Variants in ABCA4 observed in about 807,000 individuals in gnomAD.
ABCA4 encodes the protein ATP binding cassette subfamily A member 4.
A neutral mutation model predicts 263.7 loss-of-function variants in ABCA4; 196 were observed. The observed-to-expected ratio is 0.74, with a 90% CI of 0.66 to 0.84. ABCA4 has a LOEUF of 0.84. Ranked by LOEUF, ABCA4 falls within the 40% of genes least tolerant of loss-of-function variation. The probability of loss-of-function intolerance (pLI) is 0.00; values close to 1 mark genes in which losing one functional copy is unlikely to be tolerated. For synonymous variants in ABCA4, 1,133 were observed against 1,094.2 expected, an observed-to-expected ratio of 1.04 and a Z score of -0.70; for missense variants, 2,792 against 2,855.1, an observed-to-expected ratio of 0.98 and a Z score of 0.50.
rs534540939 is a variant in ABCA4, at chr1:94,013,795, C to T, written c.5460+748G>A. On this transcript the variant is annotated intron_variant, in intron 38 of 49. Transcript: ENST00000370225. ...CAGTCTCTTCATCAAGATTAACTTG[C>T]CCAAGGAATAGTATATGTCAGAGTG... Among the ~76,000 whole-genome samples the T allele has an allele frequency of 2.0e-5, 3 of 152,196 alleles. No homozygotes were observed. The South Asian group carries it at 6.2e-4, about 32-fold the overall frequency.
chr1:94,021,774 C>T, intron 33 of ABCA4, 60 bp from the exon 34 acceptor site: 1 of 1,606,352 alleles, frequency 6.2e-7, no homozygotes, highest in Non-Finnish European at 8.5e-7. Context: ...TGTTATCACT[C>T]ATGAGAGTTT....
rs748809920 is a variant in ABCA4, at chr1:94,077,738, T to C, written c.1506A>G (p.Ile502Met). 6.2e-7 allele frequency: 1 copy of C among 1,614,190 alleles called. No individual in the cohort carries two copies. The highest frequency in any genetic ancestry group is 1.1e-5 in the South Asian group (1 of 91,074). The change falls in exon 11 of 50, where the codon ATA becomes ATG. Residue 502 changes from isoleucine to methionine, a missense_variant. Ile to Met is a conservative substitution (Grantham distance 10, BLOSUM62 1). Transcript: ENST00000370225. ...GGAGGGTGCGATCAGTGATGTTAAA[T>C]ATGTCCCTCCAGTCGAAGTTGGCCA... ...DDMANFDWRD[I>M]FNITDRTLRL...
intron 6 of ABCA4, among the ~76,000 whole-genome samples, chr1:94,090,131 GCAGA>G (rs2101121808): frequency 6.6e-6 from 1 of 152,266 alleles, no homozygotes; most frequent in South Asian, 2.1e-4. Context: ...GCTAACCCAA[GCAGA>G]CATGGGAAAG....
In ABCA4 at chr1:94,019,664, C is replaced by T. The variant is rs61753021; in HGVS notation, c.5114G>A (p.Arg1705Gln). 2.8e-5 allele frequency: 45 copies of T among 1,613,254 alleles called. No homozygotes were observed. The Admixed American group carries it at 4.2e-4, about 15-fold the overall frequency. Residue 1705 changes from arginine (R) to glutamine (Q), a missense_variant, in exon 36 of 50, where the codon CGG becomes CAG. Arg to Gln is a conservative substitution (Grantham distance 43). Coordinates refer to ENST00000370225, the MANE Select transcript of ABCA4 (RefSeq NM_000350.3). ...CTGGAGGTGCTTGGATTTGTTCACC[C>T]GCTCCTGGATCAAATAAAGGACAAA... ...ASFVLYLIQE[R>Q]VNKSKHLQFI...
rs771592032 is a variant in ABCA4, at chr1:94,001,654, A to G, written c.6282+204T>C. ...CGCAGGATGTGCGCAGTCCCAAGTC[A>G]AGGCTGTGCCGTGACTTGTTTTTCT... is the stretch of plus-strand genomic sequence containing the variant. On this transcript the variant is annotated intron_variant, in intron 45 of 49. Coordinates refer to ENST00000370225, the MANE Select transcript of ABCA4 (RefSeq NM_000350.3). The G allele has an allele frequency of 2.9e-5, 22 of 771,054 alleles. No homozygotes were observed. In the East Asian group the frequency reaches 6.0e-4, roughly 21 times the overall value. The allele number at this position is 771,054 out of a possible 1,614,324, so 47.8% of individuals were successfully genotyped here. A position where few individuals can be genotyped will look rare whatever the true frequency, so the allele number is the denominator to read the frequency against.
intron 6 of ABCA4, among the ~76,000 whole-genome samples, chr1:94,094,334 T>G (rs1179605791): frequency 6.6e-6 from 1 of 152,044 alleles, no homozygotes; most frequent in Non-Finnish European, 1.5e-5. Flanking sequence ...AACAGGACAT[T>G]GATGGGCGCA....
chr1:94,101,934 T>C (rs188976347), intron 5 of ABCA4, among the ~76,000 whole-genome samples: 359 of 152,290 alleles, frequency 2.4e-3, no homozygotes, highest in African/African-American at 8.3e-3. Context: ...TTTGCATTCC[T>C]AACAAGCTCC....
At chr1:94,104,609 A>C (rs1468981323) in intron 4 of ABCA4, among the ~76,000 whole-genome samples, 1 of 152,180 alleles carries the variant, frequency 6.6e-6, no homozygotes, top group African/African-American at 2.4e-5. Flanking sequence ...GGGCAGGGGA[A>C]GCCGGTCTTG....
chr1:94,115,093 G>C (rs1479749314), intron 1 of ABCA4, among the ~76,000 whole-genome samples: 1 of 152,218 alleles, frequency 6.6e-6, no homozygotes, highest in Non-Finnish European at 1.5e-5. Context: ...ATGTACATTG[G>C]TGTCTTGTCT....
At chr1:94,054,242 C>A (rs767254238) in intron 16 of ABCA4, among the ~76,000 whole-genome samples, 1 of 152,230 alleles carries the variant, frequency 6.6e-6, no homozygotes, top group Non-Finnish European at 1.5e-5. Flanking sequence ...GGCACTGGGA[C>A]TGTCACAGTT....
chr1:94,007,711 G>A lies in ABCA4; in HGVS notation c.5928C>T (p.Ala1976=), dbSNP rs376767237. Residue 1976 remains alanine (A), a synonymous_variant, in exon 43 of 50, where the codon GCC becomes GCT. Coordinates refer to ENST00000370225, the MANE Select transcript of ABCA4 (RefSeq NM_000350.3). ...ECFGLLGVNG[A]GKTTTFKMLT... ...GCATCTTGAATGTGGTTGTTTTGCCGGCACCATTCACTCCCAGGAGGCCAA... is the reference window on the plus strand; with the variant it reads ...GCATCTTGAATGTGGTTGTTTTGCCAGCACCATTCACTCCCAGGAGGCCAA... 63 of 1,613,864 alleles carry A rather than the reference G, an allele frequency of 3.9e-5. No individual in the cohort carries two copies. The highest frequency in any genetic ancestry group is 1.3e-4 in the South Asian group (12 of 91,066).
rs1557783989 is a variant in ABCA4 at position 94,055,109 on chromosome 1, A to G, written c.2587+2T>C. ...CTTTACCCTATAGAGGAGGATGCTT[A>G]CCTGGAAACACCTGATCAAGGTACC... is the stretch of plus-strand genomic sequence containing the variant. On this transcript the variant is annotated splice_donor_variant, in intron 16 of 49. Coordinates refer to ENST00000370225, the MANE Select transcript of ABCA4 (RefSeq NM_000350.3). LOFTEE classifies it high-confidence loss of function. The G allele has an allele frequency of 6.2e-7, 1 of 1,614,030 alleles. No individual in the cohort carries two copies. The highest frequency in any genetic ancestry group is 8.5e-7 in the Non-Finnish European group (1 of 1,179,904).
Position 94,103,016 on chromosome 1 carries a change from T to C in ABCA4, c.569A>G (p.Gln190Arg), listed in dbSNP as rs1311605384. 6 of 1,614,080 alleles carry C rather than the reference T, an allele frequency of 3.7e-6. No homozygotes were observed. The highest frequency in any genetic ancestry group is 5.1e-6 in the Non-Finnish European group (6 of 1,180,034). Residue 190 changes from glutamine to arginine, a missense_variant and splice_region_variant, in exon 5 of 50, where the codon CAG becomes CGG. Gln to Arg is a conservative substitution (Grantham distance 43, BLOSUM62 1). Coordinates refer to ENST00000370225, the MANE Select transcript of ABCA4 (RefSeq NM_000350.3). ...LLINSQVRPE[Q>R]FAHGVPDLAL... ...CACTGGCCAGTGACATCCCCCTACC[T>C]GCTCTGGACGGACTTGAGAGTTGAT... is the stretch of plus-strand genomic sequence containing the variant.
At chr1:94,085,855 C>A (rs1661812576) in intron 6 of ABCA4, among the ~76,000 whole-genome samples, 1 of 152,130 alleles carries the variant, frequency 6.6e-6, no homozygotes, top group African/African-American at 2.4e-5. Context: ...TGGCAAACTT[C>A]TACTCATCCC....
chr1:94,099,047 G>T (rs960396821), intron 5 of ABCA4, 56 bp from the exon 6 acceptor site: 2 of 1,545,544 alleles, frequency 1.3e-6, no homozygotes, highest in Non-Finnish European at 1.7e-6. Flanking sequence ...AGACACCCAC[G>T]TCCTAACCCA....
rs61751384 is a variant in ABCA4, at chr1:94,000,866, C to T, written c.6449G>A (p.Cys2150Tyr). The T allele has an allele frequency of 4.9e-5, 79 of 1,614,100 alleles. No homozygotes were observed. The highest frequency in any genetic ancestry group is 6.1e-5 in the Non-Finnish European group (72 of 1,180,044). Residue 2150 changes from cysteine to tyrosine, a missense_variant, in exon 47 of 50, where the codon TGT (cysteine) becomes TAT (tyrosine). Cys to Tyr is a radical substitution (Grantham distance 194). Transcript: ENST00000370225. ...CTTGAGATGCTGAATGGTGCCCATA[C>T]ATCGAAAGGCGCCCTTTACCATGAT... is the stretch of plus-strand genomic sequence containing the variant. Reference protein sequence around the residue: ...LAIMVKGAFRCMGTIQHLKSK... With the variant: ...LAIMVKGAFRYMGTIQHLKSK...
rs111628058 is a variant in ABCA4, at chr1:94,117,423, A to G, written c.66+3557T>C. Among the ~76,000 whole-genome samples the G allele has an allele frequency of 4.0e-3, 613 of 152,130 alleles. 4 individuals are homozygous for G. The highest frequency in any genetic ancestry group is 0.014 in the African/African-American group (584 of 41,506). On this transcript the variant is annotated intron_variant, in intron 1 of 49. Transcript: ENST00000370225. ...AGGCCACAGCTGTCCCAGGTGCTCC[A>G]GGGTGTGGTGTCCAAAACATGATTA...
At position 94,063,244 on chromosome 1, in the gene ABCA4, T is replaced by C; in HGVS notation, c.1628A>G (p.Glu543Gly). ...CACTCCGGCCCAGAACATGTTTTCC[T>C]CCAGTAGAGAGAGGGCACGTTGGGT... is the stretch of plus-strand genomic sequence containing the variant. Reference protein sequence around the residue: ...QLTQRALSLLEENMFWAGVVF... With the variant: ...QLTQRALSLLGENMFWAGVVF... The change falls in exon 12 of 50, where the codon GAG (glutamate) becomes GGG (glycine). Residue 543 changes from glutamate to glycine, a missense_variant. By Grantham distance (98) the Glu-to-Gly change is moderately conservative (BLOSUM62 -2). Coordinates refer to ENST00000370225, the MANE Select transcript of ABCA4 (RefSeq NM_000350.3). 1 of 1,614,140 alleles carries C rather than the reference T, an allele frequency of 6.2e-7. No individual in the cohort carries two copies. Among genetic ancestry groups the C allele is most frequent in the Non-Finnish European group, 8.5e-7 (1 of 1,180,026 alleles).
At chr1:94,095,900 G>A (rs952822750) in intron 6 of ABCA4, among the ~76,000 whole-genome samples, 1 of 151,890 alleles carries the variant, frequency 6.6e-6, no homozygotes, top group Non-Finnish European at 1.5e-5. Context: ...AGGAGAGCAG[G>A]TAGGGGTGGT....
Sources: allele counts gnomAD v4.1 joint callset (sites outside exome capture counted in the v4.1 genomes callset), GRCh38; gene constraint gnomAD v4.1.1; transcripts MANE v1.5; gene names NCBI Gene and HGNC (gene_info 2026-07-23, HGNC 2026-07-21).